Variants in MAGI1 observed in about 807,000 individuals in gnomAD.
MAGI1 encodes the protein membrane-associated guanylate kinase, WW and PDZ domain-containing protein 1.
A neutral mutation model predicts 139.9 loss-of-function variants in MAGI1; 58 were observed. The ratio of observed to expected loss-of-function variants is 0.41; its 90% CI spans 0.34 to 0.52. MAGI1 has a LOEUF of 0.52. Ranked by LOEUF, MAGI1 falls within the 20% of genes least tolerant of loss-of-function variation. The probability of loss-of-function intolerance (pLI) is 0.12; values close to 1 mark genes in which losing one functional copy is unlikely to be tolerated. For synonymous variants in MAGI1, 812 were observed against 737.9 expected, an observed-to-expected ratio of 1.10 and a Z score of -1.63; for missense variants, 1,874 against 1,901.6, an observed-to-expected ratio of 0.99 and a Z score of 0.27.
chr3:65,882,633 G>A (rs932683612), intron 1 of MAGI1, among the ~76,000 whole-genome samples: 3 of 151,996 alleles, frequency 2.0e-5, no homozygotes, highest in African/African-American at 4.8e-5. Context: ...AAATGTGCAC[G>A]CCAAAAATGC....
In MAGI1 at chr3:65,561,806, T is replaced by C. The variant is rs542466447; in HGVS notation, c.430+60166A>G. On this transcript the variant is annotated intron_variant, in intron 2 of 22. Transcript: ENST00000402939. ...GAGACAGAGTCAGTCAAACTACAGCTGGGCAGAAATACGCAACTCAACTCT... is the reference window on the plus strand; with the variant it reads ...GAGACAGAGTCAGTCAAACTACAGCCGGGCAGAAATACGCAACTCAACTCT... 5.3e-5 allele frequency among the ~76,000 whole-genome samples: 8 copies of C among 152,308 alleles called. No homozygotes were observed. The East Asian group carries it at 1.4e-3, about 26-fold the overall frequency.
intron 1 of MAGI1, among the ~76,000 whole-genome samples, chr3:65,796,880 G>T (rs1265053041): frequency 1.3e-5 from 2 of 152,214 alleles, no homozygotes; most frequent in African/African-American, 4.8e-5. Context: ...ACAGAAACAG[G>T]CTGTGGGTCA....
Position 65,429,845 on chromosome 3 carries a change from C to A in MAGI1, c.1842G>T (p.Ala614=). ...GMKDARPSSP[A]DVASNSSHGY... is the part of the protein sequence containing the mutation. ...CATGAGAACTATTTGAAGCCACGTCCGCTGGGCTGCTTGGCCTGGCATCCT... is the reference window on the plus strand; with the variant it reads ...CATGAGAACTATTTGAAGCCACGTCAGCTGGGCTGCTTGGCCTGGCATCCT... Residue 614 remains alanine, a synonymous_variant, in exon 12 of 23, where the codon GCG becomes GCT. Transcript: ENST00000402939. 2 of 1,613,980 alleles carry A rather than the reference C, an allele frequency of 1.2e-6. No homozygotes were observed. The highest frequency in any genetic ancestry group is 4.5e-5 in the East Asian group (2 of 44,854).
In MAGI1 at chr3:65,359,574, A is replaced by G. The variant is rs1034347707; in HGVS notation, c.3634+1625T>C. ...AGTACAAAAAACTCATTACAAAAATAGCCTCACAGAGAAGCAGGTTCCAAT... is the reference window on the plus strand; with the variant it reads ...AGTACAAAAAACTCATTACAAAAATGGCCTCACAGAGAAGCAGGTTCCAAT... On this transcript the variant is annotated intron_variant, in intron 22 of 22. Transcript: ENST00000402939. The G allele has an allele frequency of 4.0e-6, 4 of 1,001,558 alleles. No homozygotes were observed. In the African/African-American group the frequency reaches 6.9e-5, roughly 17 times the overall value. The allele number at this position is 1,001,558 out of a possible 1,614,324, so 62.0% of individuals were successfully genotyped here.
At chr3:65,480,941 T>C (rs1408941145) in intron 3 of MAGI1, among the ~76,000 whole-genome samples, 1 of 152,180 alleles carries the variant, frequency 6.6e-6, no homozygotes, top group Non-Finnish European at 1.5e-5. Context: ...AAATGTTTTT[T>C]GAATCATCAA....
intron 1 of MAGI1, among the ~76,000 whole-genome samples, chr3:65,894,961 A>C (rs1158160571): frequency 2.0e-5 from 3 of 152,238 alleles, no homozygotes; most frequent in African/African-American, 7.2e-5. Context: ...CATGAGTTCA[A>C]AATAACACAC....
At chr3:65,866,366 T>A (rs1315936565) in intron 1 of MAGI1, among the ~76,000 whole-genome samples, 1 of 147,944 alleles carries the variant, frequency 6.8e-6, no homozygotes, top group African/African-American at 2.5e-5. Flanking sequence ...TTTTTTTTTT[T>A]AATGCAATGT....
intron 2 of MAGI1, among the ~76,000 whole-genome samples, chr3:65,575,176 A>G (rs2081128397): frequency 6.6e-6 from 1 of 152,128 alleles, no homozygotes; most frequent in South Asian, 2.1e-4. Context: ...AAAAGGTCTT[A>G]TATTCAGAAT....
chr3:65,836,174 G>T (rs1575652351), intron 1 of MAGI1, among the ~76,000 whole-genome samples: 1 of 152,088 alleles, frequency 6.6e-6, no homozygotes, highest in South Asian at 2.1e-4. Flanking sequence ...CCCAAGTAAG[G>T]GGTAAAAGGT....
chr3:65,653,313 T>A (rs1234879413), intron 1 of MAGI1, among the ~76,000 whole-genome samples: 1 of 152,132 alleles, frequency 6.6e-6, no homozygotes, highest in African/African-American at 2.4e-5. Flanking sequence ...AGCCTCCTAA[T>A]CAGTCGCTTA....
chr3:65,591,143 A>T (rs1047329610), intron 2 of MAGI1, among the ~76,000 whole-genome samples: 1 of 152,216 alleles, frequency 6.6e-6, no homozygotes, highest in Non-Finnish European at 1.5e-5. Flanking sequence ...ATTTTCCATG[A>T]ACTCCACCAT....
In MAGI1 at chr3:65,898,941, G is replaced by A. The variant is rs558717647; in HGVS notation, c.313+139055C>T. On this transcript the variant is annotated intron_variant, in intron 1 of 22. Transcript: ENST00000402939. ...AAAATTTAAAAAAATTTTTTTTTGA[G>A]ACTTGGGTCTCACTCTGCAGCCCAG... Among the ~76,000 whole-genome samples, 6 of 151,816 alleles carry A rather than the reference G, an allele frequency of 4.0e-5. No individual in the cohort carries two copies. The East Asian group carries it at 1.2e-3, about 29-fold the overall frequency.
intron 2 of MAGI1, among the ~76,000 whole-genome samples, chr3:65,567,331 C>G (rs1274122007): frequency 1.3e-5 from 2 of 151,616 alleles, no homozygotes; most frequent in Non-Finnish European, 2.9e-5. Flanking sequence ...CTCACGCTGA[C>G]TGTGTAAAAA....
intron 2 of MAGI1, among the ~76,000 whole-genome samples, chr3:65,530,662 T>TATATAC (rs1553661726): frequency 4.4e-4 from 56 of 126,564 alleles, no homozygotes; most frequent in African/African-American, 1.6e-3. Context: ...TGTGTGTGTG[T>TATATAC]ATATATATAT....
At chr3:65,940,126 T>G (rs915751509) in intron 1 of MAGI1, among the ~76,000 whole-genome samples, 1 of 152,106 alleles carries the variant, frequency 6.6e-6, no homozygotes. Flanking sequence ...GGGAAAGCAG[T>G]GAAGCACTAG....
chr3:65,363,360 A>G (rs1460250151), intron 21 of MAGI1, 105 bp downstream of exon 21: 20 of 1,322,892 alleles, frequency 1.5e-5, no homozygotes, highest in East Asian at 2.4e-5. Context: ...CATGAAAGCT[A>G]TAGAAAATGT....
chr3:65,629,552 C>T (rs2084166511), intron 1 of MAGI1, among the ~76,000 whole-genome samples: 1 of 116,870 alleles, frequency 8.6e-6, no homozygotes, highest in Non-Finnish European at 1.6e-5. Flanking sequence ...TGCAGTGGTG[C>T]TATTACAGCA....
At chr3:66,011,682 G>C (rs1328906951) in intron 1 of MAGI1, among the ~76,000 whole-genome samples, 1 of 152,060 alleles carries the variant, frequency 6.6e-6, no homozygotes, top group African/African-American at 2.4e-5. Context: ...CCTGCAGGTC[G>C]GCTGGGCCTT....
chr3:65,433,535 C>T (rs1947614688), intron 10 of MAGI1, among the ~76,000 whole-genome samples: 1 of 152,032 alleles, frequency 6.6e-6, no homozygotes, highest in South Asian at 2.1e-4. Context: ...ACGCTTTTCA[C>T]CCCATAAGCA....
Sources: allele counts gnomAD v4.1 joint callset (sites outside exome capture counted in the v4.1 genomes callset), GRCh38; gene constraint gnomAD v4.1.1; transcripts MANE v1.5; gene names NCBI Gene and HGNC (gene_info 2026-07-23, HGNC 2026-07-21).